Variants in ANKEF1 observed in about 807,000 individuals in gnomAD.
ANKEF1 encodes the protein ankyrin repeat and EF-hand domain-containing protein 1.
Under a neutral mutation model 65.1 loss-of-function variants are expected in ANKEF1, and 43 were observed. That is an observed-to-expected ratio of 0.66 (90% CI 0.52 to 0.85). The LOEUF (loss-of-function observed/expected upper bound fraction) is 0.85. ANKEF1 is among the 40% of genes least tolerant of loss of function. ANKEF1 has a pLI of 0.00. For missense variants in ANKEF1, 934 were observed against 952.9 expected (o/e 0.98, Z 0.26); for synonymous variants, 316 against 341.5 (o/e 0.93, Z 0.82).
chr20:10,044,468 A>C lies in ANKEF1; in HGVS notation c.621A>C (p.Arg207Ser). The C allele has an allele frequency of 6.2e-7, 1 of 1,614,128 alleles. No homozygotes were observed. The highest frequency in any genetic ancestry group is 8.5e-7 in the Non-Finnish European group (1 of 1,180,006). ...AAATAGTTCGAGGCATATTGGAAAG[A>C]GGAGGTGAAGTGAATGCATTTGACA... The part of the protein sequence containing the change: ...VVEIVRGILE[R>S]GGEVNAFDND... The change falls in exon 5 of 11, where the codon AGA (arginine) becomes AGC (serine). Residue 207 changes from arginine (R) to serine (S), a missense_variant. Coordinates refer to ENST00000378392, the MANE Select transcript of ANKEF1 (RefSeq NM_022096.6).
intron 6 of ANKEF1, among the ~76,000 whole-genome samples, chr20:10,048,473 C>T (rs1165983261): frequency 6.6e-6 from 1 of 152,058 alleles, no homozygotes; most frequent in African/African-American, 2.4e-5. Flanking sequence ...ATTGTAGTCA[C>T]CCTGTTGTGC....
At position 10,057,134 on chromosome 20, in the gene ANKEF1, A is replaced by G. The variant is rs544896880; in HGVS notation, c.*1474A>G. On this transcript the variant is annotated 3_prime_UTR_variant, in exon 11 of 11. Coordinates refer to ENST00000378392, the MANE Select transcript of ANKEF1 (RefSeq NM_022096.6). ...TACCAGAAGGCACCAATTGCAGATT[A>G]CAGCTCTGTCAGTCACGTATGGATT... The G allele has an allele frequency of 6.6e-6, 1 of 152,324 alleles. No homozygotes were observed. The highest frequency in any genetic ancestry group is 1.5e-5 in the Non-Finnish European group (1 of 68,024). The allele number at this position is 152,324 out of a possible 1,614,324, so 9.4% of individuals were successfully genotyped here.
chr20:10,043,079 G>A (rs373223253), intron 3 of ANKEF1, 43 bp from the exon 4 acceptor site: 3 of 1,575,242 alleles, frequency 1.9e-6, no homozygotes, highest in Non-Finnish European at 2.6e-6. Context: ...TGTCAAATAT[G>A]TATAGATGTT....
Position 10,051,837 on chromosome 20 carries a change from A to G in ANKEF1, c.1818A>G (p.Thr606=), listed in dbSNP as rs377717794. ...CCATTGAAAGCTGCAGACTGGATACAGTAAAATACCTACTTGATATTGGTG... is the reference window on the plus strand; with the variant it reads ...CCATTGAAAGCTGCAGACTGGATACGGTAAAATACCTACTTGATATTGGTG... The part of the protein sequence containing the change: ...NRAIESCRLD[T]VKYLLDIGAK... The change falls in exon 8 of 11, where the codon ACA becomes ACG. Residue 606 remains threonine, a synonymous_variant. Transcript: ENST00000378392. 2 of 1,613,444 alleles carry G rather than the reference A, an allele frequency of 1.2e-6. No homozygotes were observed. The highest frequency in any genetic ancestry group is 4.5e-5 in the East Asian group (2 of 44,844).
At chr20:10,048,237 GTGTT>G (rs1984632842) in intron 6 of ANKEF1, among the ~76,000 whole-genome samples, 1 of 151,628 alleles carries the variant, frequency 6.6e-6, no homozygotes, top group Admixed American at 6.6e-5. Flanking sequence ...GTGTGTGTGT[GTGTT>G]TGTGTAGTAA....
At position 10,045,834 on chromosome 20, in the gene ANKEF1, A is replaced by G. The variant is rs1984491131; in HGVS notation, c.820+137A>G. The G allele has an allele frequency of 7.5e-6, 6 of 798,722 alleles. No individual in the cohort carries two copies. The South Asian group carries it at 1.2e-4, about 15-fold the overall frequency. The allele number at this position is 798,722 out of a possible 1,614,324, so 49.5% of individuals were successfully genotyped here. A position where few individuals can be genotyped will look rare whatever the true frequency, so the allele number is the denominator to read the frequency against. The stretch of plus-strand genomic sequence containing the variant: ...AAACCTCACTCATATGTAGAAAGAA[A>G]ATTGAAAATTATTTCTTATACTACC... On this transcript the variant is annotated intron_variant, in intron 6 of 10. Transcript: ENST00000378392.
In ANKEF1 at chr20:10,057,516, CTA is replaced by C. The variant is rs1308109918; in HGVS notation, c.*1858_*1859del. On this transcript the variant is annotated 3_prime_UTR_variant, in exon 11 of 11. Coordinates refer to ENST00000378392, the MANE Select transcript of ANKEF1 (RefSeq NM_022096.6). ...ATGTTAACCACTTACCACATTTGCT[CTA>C]TCTCTTTCTCCCTCTACATATATGC... 2.6e-5 allele frequency: 4 copies of C among 152,166 alleles called. No homozygotes were observed. Among genetic ancestry groups the C allele is most frequent in the Non-Finnish European group, 2.9e-5 (2 of 68,024 alleles). 9.4% of individuals were successfully genotyped at this position (152,166 alleles called of 1,614,324 possible).
chr20:10,048,187 C>A (rs1423192827), intron 6 of ANKEF1, among the ~76,000 whole-genome samples: 1 of 151,686 alleles, frequency 6.6e-6, no homozygotes, highest in African/African-American at 2.4e-5. Context: ...AGTTTTTCTA[C>A]TACTAGTAAA....
chr20:10,049,598 C>G lies in ANKEF1; in HGVS notation c.1029C>G (p.Ala343=). Residue 343 remains alanine, a synonymous_variant, in exon 7 of 11, where the codon GCC becomes GCG. Transcript: ENST00000378392. Reference sequence around the variant, plus strand: ...AACGTGAGGCTTTCCTCCGGGAAGCCTTTGCGGTTTTAGACAGGGGTGATG... The same window carrying G: ...AACGTGAGGCTTTCCTCCGGGAAGCGTTTGCGGTTTTAGACAGGGGTGATG... The part of the protein sequence containing the change: ...SVEREAFLRE[A]FAVLDRGDGS... The G allele has an allele frequency of 6.2e-7, 1 of 1,614,076 alleles. No homozygotes were observed. Among genetic ancestry groups the G allele is most frequent in the Non-Finnish European group, 8.5e-7 (1 of 1,179,998 alleles).
chr20:10,054,338 A>T, intron 9 of ANKEF1, 124 bp from the exon 10 acceptor site: 1 of 710,438 alleles, frequency 1.4e-6, no homozygotes, highest in Non-Finnish European at 2.1e-6. Context: ...ATCTCAAATT[A>T]TAACTTGTAC....
chr20:10,045,785 A>C lies in ANKEF1; in HGVS notation c.820+88A>C, dbSNP rs1313722729. ...AGAGAATTTGGGCCTATCACTTGTC[A>C]GTGGCTTATTTTTTTCTATAGCAAA... is the stretch of plus-strand genomic sequence containing the variant. On this transcript the variant is annotated intron_variant, in intron 6 of 10. Coordinates refer to ENST00000378392, the MANE Select transcript of ANKEF1 (RefSeq NM_022096.6). The C allele has an allele frequency of 3.1e-5, 44 of 1,405,088 alleles. 1 individual carries two copies. The East Asian group carries it at 6.5e-4, about 21-fold the overall frequency. The allele number at this position is 1,405,088 out of a possible 1,614,324, so 87.0% of individuals were successfully genotyped here.
In ANKEF1 at chr20:10,038,438, T is replaced by C. The variant is rs1475594170; in HGVS notation, c.137T>C (p.Ile46Thr). The change falls in exon 3 of 11, where the codon ATT (isoleucine) becomes ACT (threonine). Residue 46 changes from isoleucine to threonine, a missense_variant. Physicochemically the swap from Ile to Thr is moderately conservative, Grantham distance 89 (BLOSUM62 -1). Transcript: ENST00000378392. The part of the protein sequence containing the change: ...YPELINYTEP[I>T]NGLSALHLAS... Reference sequence around the variant, plus strand: ...GAACTAATCAATTATACAGAACCCATTAATGGACTTAGTGCTTTGCACTTA... The same window carrying C: ...GAACTAATCAATTATACAGAACCCACTAATGGACTTAGTGCTTTGCACTTA... 3 of 1,614,068 alleles carry C rather than the reference T, an allele frequency of 1.9e-6. No individual in the cohort carries two copies. The African/African-American group carries it at 4.0e-5, about 22-fold the overall frequency.
Position 10,049,432 on chromosome 20 carries a change from G to A in ANKEF1, c.863G>A (p.Arg288Lys). The change falls in exon 7 of 11, where the codon AGG becomes AAG. Residue 288 changes from arginine (R) to lysine (K), a missense_variant. Physicochemically the swap from Arg to Lys is conservative, Grantham distance 26 (BLOSUM62 2). Transcript: ENST00000378392. ...AAGAATTTAGATCATAAAACGCCCA[G>A]GGCTGTGGCTAAGGAAGGCGGCTTC... The part of the protein sequence containing the change: ...KWKNLDHKTP[R>K]AVAKEGGFKA... 1 of 1,614,092 alleles carries A rather than the reference G, an allele frequency of 6.2e-7. No homozygotes were observed. Among genetic ancestry groups the A allele is most frequent in the Middle Eastern group, 1.6e-4 (1 of 6,062 alleles).
At chr20:10,041,373 T>C (rs1378381827) in intron 3 of ANKEF1, among the ~76,000 whole-genome samples, 1 of 152,066 alleles carries the variant, frequency 6.6e-6, no homozygotes, top group East Asian at 1.9e-4. Flanking sequence ...GTTAGCATCT[T>C]AAACAGTATT....
At chr20:10,039,224 T>C (rs924480808) in intron 3 of ANKEF1, among the ~76,000 whole-genome samples, 7 of 152,190 alleles carry the variant, frequency 4.6e-5, no homozygotes, top group African/African-American at 1.7e-4. Context: ...ATCAAACAAC[T>C]GCACTTCCAC....
Position 10,056,453 on chromosome 20 carries a change from A to C in ANKEF1, c.*793A>C, listed in dbSNP as rs917763776. 2.9e-5 allele frequency: 3 copies of C among 102,476 alleles called. No individual in the cohort carries two copies. Among genetic ancestry groups the C allele is most frequent in the African/African-American group, 1.1e-4 (3 of 26,608 alleles). The allele number at this position is 102,476 out of a possible 1,614,324, so 6.3% of individuals were successfully genotyped here. ...GCTAGCTAGAAAGGCAGATAGACAG[A>C]TATATAGATGATAGATAGATAGATG... is the stretch of plus-strand genomic sequence containing the variant. On this transcript the variant is annotated 3_prime_UTR_variant, in exon 11 of 11. Transcript: ENST00000378392.
rs1443028565 is a variant in ANKEF1, at chr20:10,049,684, C to G, written c.1115C>G (p.Ser372Ter). 6.2e-7 allele frequency: 1 copy of G among 1,614,118 alleles called. No individual in the cohort carries two copies. The highest frequency in any genetic ancestry group is 2.2e-5 in the East Asian group (1 of 44,874). ...VLEERQDYAS[S>*]EQLAAIAHLH... The stretch of plus-strand genomic sequence containing the variant: ...GAGGAAAGGCAGGATTATGCAAGCT[C>G]AGAACAGCTGGCTGCCATCGCTCAC... Residue 372 changes from serine (S) to a stop codon, truncating the protein, a stop_gained, in exon 7 of 11, where the codon TCA (serine) becomes TGA (stop). Coordinates refer to ENST00000378392, the MANE Select transcript of ANKEF1 (RefSeq NM_022096.6). LOFTEE classifies it high-confidence loss of function.
In ANKEF1 at chr20:10,058,229, A is replaced by G. The variant is rs1436922103; in HGVS notation, c.*2569A>G. The G allele has an allele frequency of 6.6e-6, 1 of 152,134 alleles. No homozygotes were observed. Among genetic ancestry groups the G allele is most frequent in the Non-Finnish European group, 1.5e-5 (1 of 67,994 alleles). 9.4% of individuals were successfully genotyped at this position (152,134 alleles called of 1,614,324 possible). A position where few individuals can be genotyped will look rare whatever the true frequency, so the allele number is the denominator to read the frequency against. ...AATTTCATAGCCACCTCCTGTTGCT[A>G]TTGTGTTGAGTTCAATTGTTGTCTT... On this transcript the variant is annotated 3_prime_UTR_variant, in exon 11 of 11. Coordinates refer to ENST00000378392, the MANE Select transcript of ANKEF1 (RefSeq NM_022096.6).
intron 10 of ANKEF1, 109 bp downstream of exon 10, chr20:10,054,708 T>G: frequency 8.7e-7 from 1 of 1,151,262 alleles, no homozygotes. Context: ...TTGTCTTTCA[T>G]AGTTACTACT....
Sources: gnomAD v4.1 joint callset for allele counts (sites outside exome capture counted in the v4.1 genomes callset) on GRCh38, gnomAD v4.1.1 for gene constraint, MANE v1.5 for transcripts, NCBI Gene and HGNC (gene_info 2026-07-23, HGNC 2026-07-21) for gene names.